DTWD2: variants seen among roughly 807,000 people sequenced by gnomAD.
DTWD2 encodes the protein DTW motif tRNA-uridine aminocarboxypropyltransferase 2, also known as tRNA-uridine aminocarboxypropyltransferase 2.
DTWD2 carries 39 observed loss-of-function variants against 31.8 expected under a neutral mutation model. The observed-to-expected ratio is 1.22, with a 90% CI of 0.95 to 1.60. The LOEUF is 1.60. Among genes scored for constraint, DTWD2 ranks in the 40% most tolerant of loss-of-function variants. The pLI, the probability that DTWD2 is intolerant of heterozygous loss-of-function variation, is 0.00. For synonymous variants in DTWD2, 180 were observed against 142.8 expected (o/e 1.26, Z -1.86); for missense variants, 515 against 381.5 (o/e 1.35, Z -2.92).
chr5:118,927,882 G>A (rs2149578510), intron 4 of DTWD2, among the ~76,000 whole-genome samples: 1 of 152,016 alleles, frequency 6.6e-6, no homozygotes, highest in Non-Finnish European at 1.5e-5. Flanking sequence ...ATTTACTTTG[G>A]AAGTTAACAT....
chr5:118,850,698 GA>G (rs1751980619), intron 4 of DTWD2, among the ~76,000 whole-genome samples: 1 of 151,742 alleles, frequency 6.6e-6, no homozygotes, highest in Non-Finnish European at 1.5e-5. Context: ...CTTCTGCAAG[GA>G]AAAAGAAATT....
At chr5:118,971,260 T>C (rs1446853392) in intron 1 of DTWD2, among the ~76,000 whole-genome samples, 1 of 151,974 alleles carries the variant, frequency 6.6e-6, no homozygotes, top group African/African-American at 2.4e-5. Flanking sequence ...CAAAGACACA[T>C]ATAACCTCAA....
intron 4 of DTWD2, among the ~76,000 whole-genome samples, chr5:118,866,069 C>A (rs1015922812): frequency 6.6e-6 from 1 of 151,516 alleles, no homozygotes; most frequent in African/African-American, 2.4e-5. Context: ...AACTGATGAC[C>A]CTTAGAACCA....
chr5:118,856,691 T>A, intron 4 of DTWD2, among the ~76,000 whole-genome samples: 1 of 152,260 alleles, frequency 6.6e-6, no homozygotes, highest in Middle Eastern at 3.4e-3. Flanking sequence ...ATATTTTGTA[T>A]TTTTCTTTAC....
intron 4 of DTWD2, among the ~76,000 whole-genome samples, chr5:118,925,423 A>T (rs916009842): frequency 6.6e-6 from 1 of 152,258 alleles, no homozygotes; most frequent in Non-Finnish European, 1.5e-5. Context: ...TCATAAACTT[A>T]TTCAAAATAG....
chr5:118,921,125 T>C lies in DTWD2; in HGVS notation c.597+7412A>G, dbSNP rs151030013. ...AGTTAACTCAAGTTCTATTTGTAAA[T>C]ACTATCTACAACCTCAGAGATAAGC... On this transcript the variant is annotated intron_variant, in intron 4 of 5. Coordinates refer to ENST00000510708, the MANE Select transcript of DTWD2 (RefSeq NM_173666.4). Among the ~76,000 whole-genome samples the C allele has an allele frequency of 5.9e-3, 903 of 152,294 alleles. 3 individuals are homozygous for C. The highest frequency in any genetic ancestry group is 0.031 in the Middle Eastern group (9 of 294).
intron 4 of DTWD2, among the ~76,000 whole-genome samples, chr5:118,910,595 T>C (rs1460207621): frequency 6.6e-6 from 1 of 152,210 alleles, no homozygotes; most frequent in Non-Finnish European, 1.5e-5. Context: ...AGGCTTTTTC[T>C]AGCATGTATG....
chr5:118,853,121 T>C (rs1273485190), intron 4 of DTWD2, among the ~76,000 whole-genome samples: 2 of 152,168 alleles, frequency 1.3e-5, no homozygotes, highest in Non-Finnish European at 2.9e-5. Flanking sequence ...TTATGCTCAC[T>C]ACCTGGGTAA....
rs1751870638 is a variant in DTWD2 at position 118,846,941 on chromosome 5, CACACACACACACACACACACACACAT to C, written c.726+1123_726+1148del. Among the ~76,000 whole-genome samples, 3 of 129,484 alleles carry C rather than the reference CACACACACACACACACACACACACAT, an allele frequency of 2.3e-5. No individual in the cohort carries two copies. The South Asian group carries it at 6.3e-4, about 27-fold the overall frequency. 84.9% of individuals were successfully genotyped at this position (129,484 alleles called of 152,430 possible). A position where few individuals can be genotyped will look rare whatever the true frequency, so the allele number is the denominator to read the frequency against. On this transcript the variant is annotated intron_variant, in intron 5 of 5. Transcript: ENST00000510708. ...ACAGGCACACACACACACACACACA[CACACACACACACACACACACACACAT>C]ACACACGAAAATCCTAGTTTTTTCA...
chr5:118,890,138 T>C (rs1406810153), intron 4 of DTWD2, among the ~76,000 whole-genome samples: 1 of 152,190 alleles, frequency 6.6e-6, no homozygotes, highest in South Asian at 2.1e-4. Flanking sequence ...ATTACCATTT[T>C]ACAAATGAGG....
rs144031646 is a variant in DTWD2, at chr5:118,863,455, A to G, written c.598-15237T>C. On this transcript the variant is annotated intron_variant, in intron 4 of 5. Coordinates refer to ENST00000510708, the MANE Select transcript of DTWD2 (RefSeq NM_173666.4). ...AAGAAGTCCTTTCCTATAAGAAGGA[A>G]TACACATTTCAAAGCACTTCCATTC... is the stretch of plus-strand genomic sequence containing the variant. 1.4e-3 allele frequency among the ~76,000 whole-genome samples: 216 copies of G among 152,360 alleles called. 1 individual carries two copies. The highest frequency in any genetic ancestry group is 4.9e-3 in the African/African-American group (202 of 41,588).
rs116508839 is a variant in DTWD2 at position 118,862,331 on chromosome 5, A to G, written c.598-14113T>C. Among the ~76,000 whole-genome samples the G allele has an allele frequency of 5.2e-3, 789 of 152,336 alleles. 8 individuals are homozygous for G. The highest frequency in any genetic ancestry group is 0.018 in the African/African-American group (751 of 41,580). On this transcript the variant is annotated intron_variant, in intron 4 of 5. Transcript: ENST00000510708. ...AGTGGCATGTGCAAAGAACAGCTAG[A>G]AAGCTGGAGTGTCTGCAGCATAGTG...
At chr5:118,981,700 T>G (rs1018675327) in intron 1 of DTWD2, among the ~76,000 whole-genome samples, 2 of 152,112 alleles carry the variant, frequency 1.3e-5, no homozygotes, top group African/African-American at 2.4e-5. Flanking sequence ...TCTGCCTTTC[T>G]AACATAAAAG....
chr5:118,969,621 A>G (rs2149597604), intron 1 of DTWD2, among the ~76,000 whole-genome samples: 1 of 152,302 alleles, frequency 6.6e-6, no homozygotes, highest in East Asian at 1.9e-4. Context: ...AAACAAACGA[A>G]CGGAAAACAA....
intron 4 of DTWD2, among the ~76,000 whole-genome samples, chr5:118,888,883 T>A (rs1439200427): frequency 6.6e-6 from 1 of 152,220 alleles, no homozygotes; most frequent in African/African-American, 2.4e-5. Context: ...TGTGTATTTG[T>A]TTTTCATATA....
At chr5:118,919,111 C>G (rs1753645081) in intron 4 of DTWD2, among the ~76,000 whole-genome samples, 1 of 152,188 alleles carries the variant, frequency 6.6e-6, no homozygotes, top group Non-Finnish European at 1.5e-5. Context: ...AACACGGGTT[C>G]TAGATCAGAG....
intron 4 of DTWD2, among the ~76,000 whole-genome samples, chr5:118,909,293 G>A (rs1335655185): frequency 6.6e-6 from 1 of 152,166 alleles, no homozygotes; most frequent in African/African-American, 2.4e-5. Flanking sequence ...AGCCCTTGGG[G>A]TCACTGCAGA....
At chr5:118,846,167 T>C (rs921214103) in intron 5 of DTWD2, among the ~76,000 whole-genome samples, 1 of 152,178 alleles carries the variant, frequency 6.6e-6, no homozygotes, top group Non-Finnish European at 1.5e-5. Context: ...CCTAATATAA[T>C]GGTATATTGA....
intron 4 of DTWD2, among the ~76,000 whole-genome samples, chr5:118,907,015 G>C (rs1197767549): frequency 6.6e-6 from 1 of 152,136 alleles, no homozygotes; most frequent in African/African-American, 2.4e-5. Context: ...ATGAGACTGG[G>C]AACATGATGA....
Sources: allele counts gnomAD v4.1 joint callset (sites outside exome capture counted in the v4.1 genomes callset), GRCh38; gene constraint gnomAD v4.1.1; transcripts MANE v1.5; gene names NCBI Gene and HGNC (gene_info 2026-07-23, HGNC 2026-07-21).